Variants in EML5 observed in about 807,000 individuals in gnomAD.
The protein encoded by EML5 is EMAP like 5.
A neutral mutation model predicts 250.0 loss-of-function variants in EML5; 120 were observed. The ratio of observed to expected loss-of-function variants is 0.48; its 90% CI spans 0.41 to 0.56. The LOEUF is 0.56. Among genes scored for constraint, EML5 ranks in the 20% least tolerant of loss-of-function variants. The probability of loss-of-function intolerance (pLI) is 0.00; values close to 1 mark genes in which losing one functional copy is unlikely to be tolerated. For synonymous variants in EML5, 771 were observed against 806.5 expected (o/e 0.96, Z 0.75); for missense variants, 2,006 against 2,437.6 (o/e 0.82, Z 3.73).
intron 33 of EML5, among the ~76,000 whole-genome samples, chr14:88,631,506 C>T (rs1468649053): frequency 1.3e-5 from 2 of 152,148 alleles, no homozygotes; most frequent in African/African-American, 2.4e-5. Context: ...CGGTGGCTCA[C>T]GCCTGTAATC....
chr14:88,616,362 G>T, intron 42 of EML5, 120 bp from the exon 43 acceptor site: 1 of 956,362 alleles, frequency 1.0e-6, no homozygotes, highest in Non-Finnish European at 1.6e-6. Context: ...TAGCACCGCA[G>T]CCAGTGATTA....
chr14:88,670,865 A>AG (rs1374754777), intron 21 of EML5, among the ~76,000 whole-genome samples: 4 of 151,600 alleles, frequency 2.6e-5, no homozygotes, highest in South Asian at 4.2e-4. Context: ...ACAAGATTAG[A>AG]GAAAAAAAAA....
intron 28 of EML5, among the ~76,000 whole-genome samples, chr14:88,648,803 G>T (rs2140763870): frequency 6.6e-6 from 1 of 152,188 alleles, no homozygotes; most frequent in East Asian, 1.9e-4. Flanking sequence ...AGATCCGGGT[G>T]CTTTATTTCT....
intron 13 of EML5, 45 bp from the exon 14 acceptor site, chr14:88,702,677 T>G (rs772177794): frequency 3.7e-5 from 51 of 1,378,528 alleles, no homozygotes; most frequent in Non-Finnish European, 4.9e-5. Flanking sequence ...TGGCCTTTTA[T>G]CTGATCAATA....
chr14:88,628,506 T>G (rs910677195), intron 33 of EML5, among the ~76,000 whole-genome samples: 1 of 152,086 alleles, frequency 6.6e-6, no homozygotes, highest in African/African-American at 2.4e-5. Context: ...TTAAAAAAAT[T>G]ATAGTTTTAT....
In EML5 at chr14:88,755,761, G is replaced by T. The variant is rs1049266453; in HGVS notation, c.198-1090C>A. On this transcript the variant is annotated intron_variant, in intron 1 of 43. Coordinates refer to ENST00000554922, the MANE Select transcript of EML5 (RefSeq NM_183387.3). ...TAATATCAGTGCTTTGAGAGGCCAAGGCTGGAGGATCACCTGAGGTCAGGA... is the reference window on the plus strand; with the variant it reads ...TAATATCAGTGCTTTGAGAGGCCAATGCTGGAGGATCACCTGAGGTCAGGA... Among the ~76,000 whole-genome samples the T allele has an allele frequency of 4.6e-5, 7 of 152,094 alleles. No homozygotes were observed. The East Asian group carries it at 1.2e-3, about 25-fold the overall frequency.
At chr14:88,789,778 T>C (rs1364008672) in intron 1 of EML5, among the ~76,000 whole-genome samples, 2 of 152,230 alleles carry the variant, frequency 1.3e-5, no homozygotes. Context: ...TGATTCAGCC[T>C]TTACCACCAA....
intron 27 of EML5, among the ~76,000 whole-genome samples, chr14:88,651,154 C>CTTTT (rs869045980): frequency 9.6e-4 from 89 of 93,022 alleles, no homozygotes; most frequent in East Asian, 1.9e-3. Context: ...TTGTCATTTT[C>CTTTT]TTTTTTTTTT....
intron 4 of EML5, among the ~76,000 whole-genome samples, chr14:88,741,144 AGAGT>A (rs777899546): frequency 2.0e-5 from 3 of 152,190 alleles, no homozygotes; most frequent in African/African-American, 4.8e-5. Context: ...GCCTGGGCGC[AGAGT>A]GAGACTCCGT....
chr14:88,758,071 G>T (rs2094188252), intron 1 of EML5, among the ~76,000 whole-genome samples: 1 of 144,342 alleles, frequency 6.9e-6, no homozygotes, highest in Non-Finnish European at 1.5e-5. Flanking sequence ...TGCCCAGACT[G>T]GTCTCAAACT....
intron 1 of EML5, among the ~76,000 whole-genome samples, chr14:88,790,374 T>A (rs1388875722): frequency 3.9e-5 from 6 of 152,256 alleles, no homozygotes; most frequent in Non-Finnish European, 5.9e-5. Context: ...TTGTTTTGTA[T>A]AAGTTGTGCA....
At chr14:88,770,734 T>C (rs1334164122) in intron 1 of EML5, among the ~76,000 whole-genome samples, 1 of 152,216 alleles carries the variant, frequency 6.6e-6, no homozygotes, top group East Asian at 1.9e-4. Flanking sequence ...TAATGCCTAG[T>C]ATATTGCTGA....
chr14:88,674,706 C>T (rs2092554808), intron 21 of EML5, among the ~76,000 whole-genome samples: 1 of 152,194 alleles, frequency 6.6e-6, no homozygotes, highest in African/African-American at 2.4e-5. Flanking sequence ...AGTCTTAACT[C>T]ATTTCAGCAT....
At chr14:88,647,687 C>CAAAAAAAAAAAAAAAAAAAAAAA (rs34191990) in intron 28 of EML5, among the ~76,000 whole-genome samples, 4 of 48,754 alleles carry the variant, frequency 8.2e-5, no homozygotes, top group African/African-American at 3.0e-4. Context: ...GAGACCGTCT[C>CAAAAAAAAAAAAAAAAAAAAAAA]AAAAAAAAAA....
In EML5 at chr14:88,664,527, G is replaced by C. The variant is rs780791722; in HGVS notation, c.3375C>G (p.Thr1125=). ...CCCAATCAATATGGGTTATGTAACT[G>C]GTAGCTCCTTTGCATATTCCTACTC... is the stretch of plus-strand genomic sequence containing the variant. ...SKRVGICKGA[T]SYITHIDWDI... Residue 1125 remains threonine, a synonymous_variant, in exon 23 of 44, where the codon ACC becomes ACG. Coordinates refer to ENST00000554922, the MANE Select transcript of EML5 (RefSeq NM_183387.3). 1 of 1,609,016 alleles carries C rather than the reference G, an allele frequency of 6.2e-7. No homozygotes were observed. The highest frequency in any genetic ancestry group is 1.1e-5 in the South Asian group (1 of 89,708).
chr14:88,649,894 CT>C lies in EML5; in HGVS notation c.4019+17del. 4 of 1,485,126 alleles carry C rather than the reference CT, an allele frequency of 2.7e-6. No homozygotes were observed. Among genetic ancestry groups the C allele is most frequent in the Non-Finnish European group, 3.6e-6 (4 of 1,116,172 alleles). The allele number at this position is 1,485,126 out of a possible 1,614,324, so 92.0% of individuals were successfully genotyped here. On this transcript the variant is annotated intron_variant, in intron 28 of 43. Coordinates refer to ENST00000554922, the MANE Select transcript of EML5 (RefSeq NM_183387.3). ...GGTAAATTTTTGAATAAAATATTTT[CT>C]TTTATAAAACACTTACCTTACTACT... is the stretch of plus-strand genomic sequence containing the variant.
rs1018866840 is a variant in EML5, at chr14:88,612,788, T to C, written c.*3030A>G. On this transcript the variant is annotated 3_prime_UTR_variant, in exon 44 of 44. Transcript: ENST00000554922. ...TGGCCTACTGTATTACTTACAGAGT[T>C]TTTTTGTGTGTGGTTTTTAAAACTG... 6.6e-6 allele frequency: 1 copy of C among 152,556 alleles called. No individual in the cohort carries two copies. Among genetic ancestry groups the C allele is most frequent in the South Asian group, 2.1e-4 (1 of 4,830 alleles). The allele number at this position is 152,556 out of a possible 1,614,324, so 9.5% of individuals were successfully genotyped here.
chr14:88,699,794 C>G (rs1166620900), intron 14 of EML5, among the ~76,000 whole-genome samples: 1 of 152,050 alleles, frequency 6.6e-6, no homozygotes, highest in Non-Finnish European at 1.5e-5. Flanking sequence ...CAGGCTTAGG[C>G]AACCAAGTTA....
At chr14:88,701,938 C>A (rs1285860931) in intron 14 of EML5, among the ~76,000 whole-genome samples, 1 of 152,156 alleles carries the variant, frequency 6.6e-6, no homozygotes, top group Non-Finnish European at 1.5e-5. Flanking sequence ...TCCCTTCCTT[C>A]TCTAAGAATA....
Sources: gnomAD v4.1 joint callset for allele counts (sites outside exome capture counted in the v4.1 genomes callset) on GRCh38, gnomAD v4.1.1 for gene constraint, MANE v1.5 for transcripts, NCBI Gene and HGNC (gene_info 2026-07-23, HGNC 2026-07-21) for gene names.